ADK: variants seen among roughly 807,000 people sequenced by gnomAD.
ADK encodes adenosine kinase, also known as N6,N6-dimethyladenosine kinase.
ADK carries 24 observed loss-of-function variants against 44.7 expected under a neutral mutation model. The observed-to-expected ratio is 0.54, with a 90% confidence interval of 0.39 to 0.76. The LOEUF is 0.76. ADK is among the 30% of genes least tolerant of loss of function. The pLI, the probability that ADK is intolerant of heterozygous loss-of-function variation, is 0.00. For missense variants in ADK, 321 were observed against 425.1 expected, an observed-to-expected ratio of 0.76 and a Z score of 2.15; for synonymous variants, 128 against 142.6, an observed-to-expected ratio of 0.90 and a Z score of 0.73.
chr10:74,644,689 C>G (rs1419713742), intron 9 of ADK, among the ~76,000 whole-genome samples: 1 of 152,056 alleles, frequency 6.6e-6, no homozygotes, highest in East Asian at 1.9e-4. Flanking sequence ...GACACCACAC[C>G]CAGCTAATTT....
At chr10:74,571,817 C>T (rs1443431517) in intron 7 of ADK, among the ~76,000 whole-genome samples, 5 of 151,880 alleles carry the variant, frequency 3.3e-5, no homozygotes, top group Non-Finnish European at 7.4e-5. Context: ...TATTTCTTGC[C>T]TTCTGCTAGC....
intron 10 of ADK, among the ~76,000 whole-genome samples, chr10:74,696,984 A>G (rs1856232339): frequency 6.6e-6 from 1 of 152,194 alleles, no homozygotes. Flanking sequence ...AAACATTTGT[A>G]TATTTTTCCA....
chr10:74,598,729 G>A (rs1852016799), intron 8 of ADK, among the ~76,000 whole-genome samples: 1 of 152,040 alleles, frequency 6.6e-6, no homozygotes, highest in South Asian at 2.1e-4. Context: ...GATTACAGGC[G>A]TGAGCCACTA....
intron 1 of ADK, among the ~76,000 whole-genome samples, chr10:74,154,558 C>T (rs1008891458): frequency 3.3e-5 from 5 of 152,156 alleles, no homozygotes; most frequent in African/African-American, 7.2e-5. Flanking sequence ...TGTGAGCCAC[C>T]GTGCCCTGCC....
intron 4 of ADK, among the ~76,000 whole-genome samples, chr10:74,356,002 A>ATTTTT (rs34454856): frequency 7.2e-5 from 6 of 83,288 alleles, no homozygotes; most frequent in African/African-American, 3.1e-4. Flanking sequence ...TAAATAATTC[A>ATTTTT]TTTTTTTTTT....
chr10:74,633,302 T>C (rs1018635452), intron 9 of ADK, among the ~76,000 whole-genome samples: 1 of 152,160 alleles, frequency 6.6e-6, no homozygotes, highest in Non-Finnish European at 1.5e-5. Context: ...ATTGTTCCAT[T>C]TTTTTATAGC....
At chr10:74,186,225 C>CCCTT (rs1273888144) in intron 1 of ADK, among the ~76,000 whole-genome samples, 4 of 42,920 alleles carry the variant, frequency 9.3e-5, no homozygotes, top group African/African-American at 1.6e-4. Flanking sequence ...CCTTTCCCTT[C>CCCTT]CCCTCCTTTC....
chr10:74,523,874 T>C (rs1848934591), intron 6 of ADK, among the ~76,000 whole-genome samples: 1 of 152,242 alleles, frequency 6.6e-6, no homozygotes, highest in Admixed American at 6.5e-5. Context: ...TAACTGTTGC[T>C]GAATTGTTGC....
intron 9 of ADK, among the ~76,000 whole-genome samples, chr10:74,616,230 A>G (rs1021926591): frequency 6.6e-5 from 10 of 152,124 alleles, no homozygotes; most frequent in African/African-American, 2.4e-4. Context: ...AATATAGGGC[A>G]ATTCATAATG....
chr10:74,230,819 C>T (rs966263212), intron 3 of ADK, among the ~76,000 whole-genome samples: 1 of 151,816 alleles, frequency 6.6e-6, no homozygotes, highest in Non-Finnish European at 1.5e-5. Flanking sequence ...GTAGCTGGGA[C>T]TACAGGTGCC....
chr10:74,194,337 T>A (rs1168996520), intron 1 of ADK, among the ~76,000 whole-genome samples: 1 of 152,198 alleles, frequency 6.6e-6, no homozygotes, highest in Non-Finnish European at 1.5e-5. Flanking sequence ...ATTTTGATTA[T>A]CTTAGTGTGC....
intron 1 of ADK, among the ~76,000 whole-genome samples, chr10:74,162,516 TTCTTTTG>T (rs1381450256): frequency 7.4e-6 from 1 of 134,414 alleles, no homozygotes; most frequent in Non-Finnish European, 1.6e-5. Context: ...CCGATTGCAT[TTCTTTTG>T]TGTGTGTGTG....
intron 3 of ADK, among the ~76,000 whole-genome samples, chr10:74,313,763 T>C (rs2131801804): frequency 6.6e-6 from 1 of 152,014 alleles, no homozygotes; most frequent in African/African-American, 2.4e-5. Context: ...TCCCTTTCTG[T>C]ATTTCCTGTT....
In ADK at chr10:74,546,537, A is replaced by G. The variant is rs190477871; in HGVS notation, c.726+21111A>G. On this transcript the variant is annotated intron_variant, in intron 7 of 10. Coordinates refer to ENST00000539909, the MANE Select transcript of ADK (RefSeq NM_006721.4). Reference sequence around the variant, plus strand: ...TATCAGATTTGCTTTATTTCTGTATATAATAGGTAATGTGAGTACAGGAAA... The same window carrying G: ...TATCAGATTTGCTTTATTTCTGTATGTAATAGGTAATGTGAGTACAGGAAA... Among the ~76,000 whole-genome samples the G allele has an allele frequency of 1.1e-3, 169 of 152,320 alleles. 1 individual carries two copies. Among genetic ancestry groups the G allele is most frequent in the African/African-American group, 3.8e-3 (159 of 41,584 alleles).
chr10:74,274,643 C>A (rs773574243), intron 3 of ADK, among the ~76,000 whole-genome samples: 50 of 149,808 alleles, frequency 3.3e-4, no homozygotes, highest in Admixed American at 1.3e-4. Context: ...TTATCCTTGT[C>A]ATCTTCATAT....
rs1256351293 is a variant in ADK at position 74,213,229 on chromosome 10, C to T, written c.141-11309C>T. Among the ~76,000 whole-genome samples, 5 of 152,014 alleles carry T rather than the reference C, an allele frequency of 3.3e-5. No individual in the cohort carries two copies. In the East Asian group the frequency reaches 9.6e-4, roughly 29 times the overall value. On this transcript the variant is annotated intron_variant, in intron 2 of 10. Coordinates refer to ENST00000539909, the MANE Select transcript of ADK (RefSeq NM_006721.4). Reference sequence around the variant, plus strand: ...TAAGCGATTCTCTTACCTCAGCCTCCCGAGTAGCTGGGACTACAGGCATGT... The same window carrying T: ...TAAGCGATTCTCTTACCTCAGCCTCTCGAGTAGCTGGGACTACAGGCATGT...
At chr10:74,167,118 G>T (rs1434607906) in intron 1 of ADK, among the ~76,000 whole-genome samples, 1 of 152,156 alleles carries the variant, frequency 6.6e-6, no homozygotes, top group African/African-American at 2.4e-5. Context: ...TCAGTTATAT[G>T]TATAGGGTAC....
Position 74,634,263 on chromosome 10 carries a change from G to A in ADK, c.877+33770G>A, listed in dbSNP as rs543686750. Among the ~76,000 whole-genome samples, 4 of 151,946 alleles carry A rather than the reference G, an allele frequency of 2.6e-5. No individual in the cohort carries two copies. In the South Asian group the frequency reaches 8.3e-4, roughly 32 times the overall value. On this transcript the variant is annotated intron_variant, in intron 9 of 10. Transcript: ENST00000539909. ...CCTGCCTTCCAGGCTGGAGTGCAGT[G>A]GAGTGCAGTGGCGCGATCTCGGCTC...
chr10:74,627,905 C>T (rs1163444468), intron 9 of ADK, among the ~76,000 whole-genome samples: 6 of 152,054 alleles, frequency 3.9e-5, no homozygotes, highest in Admixed American at 3.3e-4. Context: ...CCAAAGTGCT[C>T]GGATTATAGG....
Sources: gnomAD v4.1 joint callset for allele counts (sites outside exome capture counted in the v4.1 genomes callset) on GRCh38, gnomAD v4.1.1 for gene constraint, MANE v1.5 for transcripts, NCBI Gene and HGNC (gene_info 2026-07-23, HGNC 2026-07-21) for gene names.